Variants in GRM7 observed in about 807,000 individuals in gnomAD.
The protein encoded by GRM7 is glutamate metabotropic receptor 7.
In GRM7, 35 loss-of-function variants were observed where a neutral mutation model predicts 84.5. The observed-to-expected ratio is 0.41, with a 90% CI of 0.32 to 0.55. The LOEUF (loss-of-function observed/expected upper bound fraction) is 0.55, where lower values mean the gene tolerates loss of function less well. GRM7 is among the 20% of genes least tolerant of loss of function. GRM7 has a pLI of 0.19. For synonymous variants in GRM7, 487 were observed against 455.1 expected, an observed-to-expected ratio of 1.07 and a Z score of -0.89; for missense variants, 1,003 against 1,194.6, an observed-to-expected ratio of 0.84 and a Z score of 2.36.
chr3:7,215,843 T>A (rs1332636262), intron 2 of GRM7, among the ~76,000 whole-genome samples: 1 of 152,138 alleles, frequency 6.6e-6, no homozygotes, highest in Non-Finnish European at 1.5e-5. Flanking sequence ...AGTCACTATC[T>A]TCAACACAAC....
rs188437080 is a variant in GRM7, at chr3:7,422,428, G to T, written c.1174+7265G>T. Among the ~76,000 whole-genome samples the T allele has an allele frequency of 1.8e-3, 274 of 152,178 alleles. 1 individual carries two copies. Among genetic ancestry groups the T allele is most frequent in the Non-Finnish European group, 3.1e-3 (211 of 67,988 alleles). On this transcript the variant is annotated intron_variant, in intron 5 of 9. Transcript: ENST00000357716. ...GCTGACTTTTAAAATTATTTAAAAC[G>T]TAAACAGCCACATGTGCCTAGTGGC... is the stretch of plus-strand genomic sequence containing the variant.
chr3:7,663,957 A>T (rs1699571157), intron 8 of GRM7, among the ~76,000 whole-genome samples: 1 of 152,106 alleles, frequency 6.6e-6, no homozygotes, highest in Non-Finnish European at 1.5e-5. Flanking sequence ...CAAACTTTGG[A>T]CTCGCTTTTA....
chr3:7,554,723 T>C lies in GRM7; in HGVS notation c.1516-23699T>C, dbSNP rs142633325. ...CAAGGATCCATACTCTCTTCATTAG[T>C]TGGTGCTGCCATTTTGAGGGCCTCC... On this transcript the variant is annotated intron_variant, in intron 7 of 9. Transcript: ENST00000357716. 4.3e-4 allele frequency among the ~76,000 whole-genome samples: 66 copies of C among 152,320 alleles called. No individual in the cohort carries two copies. The East Asian group carries it at 0.012, about 28-fold the overall frequency.
chr3:7,550,573 CTCTCTGTGTGTGTGTGTG>C (rs1297337420), intron 7 of GRM7, among the ~76,000 whole-genome samples: 5 of 60,674 alleles, frequency 8.2e-5, no homozygotes, highest in Non-Finnish European at 1.4e-4. Context: ...CTCTCTCTCT[CTCTCTGTGTGTGTGTGTG>C]TGTGTGTGTG....
At chr3:7,567,817 G>A (rs1226124822) in intron 7 of GRM7, among the ~76,000 whole-genome samples, 4 of 143,330 alleles carry the variant, frequency 2.8e-5, no homozygotes, top group African/African-American at 1.0e-4. Context: ...ATATGCAAGG[G>A]TTTTTAAGGG....
chr3:7,374,030 G>T (rs1308973514), intron 4 of GRM7, among the ~76,000 whole-genome samples: 1 of 152,130 alleles, frequency 6.6e-6, no homozygotes, highest in Admixed American at 6.5e-5. Context: ...GCAGCATAGT[G>T]TCGTGGAAAT....
intron 8 of GRM7, among the ~76,000 whole-genome samples, chr3:7,663,146 G>A (rs1322056368): frequency 6.6e-6 from 1 of 152,182 alleles, no homozygotes; most frequent in Non-Finnish European, 1.5e-5. Flanking sequence ...CACAAGTGCA[G>A]GAGGTGTATT....
chr3:7,516,580 C>G (rs1700400790), intron 7 of GRM7, among the ~76,000 whole-genome samples: 1 of 149,560 alleles, frequency 6.7e-6, no homozygotes. Flanking sequence ...GTATAACCAG[C>G]AACTTTAGAT....
At chr3:6,963,474 T>C (rs996240039) in intron 1 of GRM7, among the ~76,000 whole-genome samples, 4 of 152,162 alleles carry the variant, frequency 2.6e-5, no homozygotes, top group African/African-American at 9.7e-5. Flanking sequence ...GAGAATGCAC[T>C]AATAACCTGG....
chr3:7,331,965 T>A (rs1484995513), intron 4 of GRM7, among the ~76,000 whole-genome samples: 3 of 151,792 alleles, frequency 2.0e-5, no homozygotes, highest in African/African-American at 7.3e-5. Flanking sequence ...TTAAAGGAGG[T>A]GAGAGAGGAG....
chr3:7,378,512 G>C (rs1575245798), intron 4 of GRM7, among the ~76,000 whole-genome samples: 2 of 152,280 alleles, frequency 1.3e-5, no homozygotes, highest in South Asian at 4.1e-4. Flanking sequence ...GGACTACTCT[G>C]TCATTCAGAT....
At chr3:7,685,245 ACCAGAAGATGT>A (rs1419919537) in intron 9 of GRM7, among the ~76,000 whole-genome samples, 7 of 152,214 alleles carry the variant, frequency 4.6e-5, no homozygotes, top group African/African-American at 1.4e-4. Context: ...ACTGGTATCA[ACCAGAAGATGT>A]TCTGTAAATT....
chr3:7,238,300 A>G (rs1697418095), intron 2 of GRM7, among the ~76,000 whole-genome samples: 1 of 152,034 alleles, frequency 6.6e-6, no homozygotes, highest in African/African-American at 2.4e-5. Context: ...GGTTCATCAC[A>G]TTTGCTTCTG....
At chr3:7,427,514 T>C (rs572969419) in intron 5 of GRM7, among the ~76,000 whole-genome samples, 8 of 152,318 alleles carry the variant, frequency 5.3e-5, no homozygotes, top group African/African-American at 1.9e-4. Flanking sequence ...TGTAGGTGAA[T>C]ACAAATCGAA....
At chr3:7,279,254 C>T (rs1022088945) in intron 2 of GRM7, among the ~76,000 whole-genome samples, 13 of 152,094 alleles carry the variant, frequency 8.5e-5, no homozygotes, top group African/African-American at 2.9e-4. Context: ...AAGGTGTGAA[C>T]ATGCGTGAAT....
chr3:7,562,186 G>A (rs553366982), intron 7 of GRM7, among the ~76,000 whole-genome samples: 1 of 152,042 alleles, frequency 6.6e-6, no homozygotes, highest in East Asian at 1.9e-4. Context: ...AGTTTTTCTT[G>A]CCAGCTATTC....
chr3:7,392,561 A>G (rs1470749731), intron 4 of GRM7, among the ~76,000 whole-genome samples: 1 of 152,188 alleles, frequency 6.6e-6, no homozygotes, highest in Non-Finnish European at 1.5e-5. Flanking sequence ...CTCTCAGGTG[A>G]GAAACATGGG....
intron 9 of GRM7, among the ~76,000 whole-genome samples, chr3:7,721,275 T>C (rs1011361138): frequency 5.3e-5 from 8 of 152,348 alleles, no homozygotes; most frequent in Admixed American, 2.0e-4. Context: ...TTTGGTCAAA[T>C]TGTATAAGGT....
intron 2 of GRM7, among the ~76,000 whole-genome samples, chr3:7,163,139 T>C (rs1378497354): frequency 3.9e-5 from 6 of 152,174 alleles, no homozygotes; most frequent in Non-Finnish European, 8.8e-5. Flanking sequence ...CTCTGGACTA[T>C]ATCAGACTAA....
Sources: gnomAD v4.1 joint callset for allele counts (sites outside exome capture counted in the v4.1 genomes callset) on GRCh38, gnomAD v4.1.1 for gene constraint, MANE v1.5 for transcripts, NCBI Gene and HGNC (gene_info 2026-07-23, HGNC 2026-07-21) for gene names.